IL2RB: variants seen among roughly 807,000 people sequenced by gnomAD.
IL2RB encodes interleukin 2 receptor subunit beta, also known as interleukin-2 receptor subunit beta.
IL2RB carries 17 observed loss-of-function variants against 44.2 expected under a neutral mutation model. The observed-to-expected ratio is 0.38, with a 90% CI of 0.26 to 0.58. The LOEUF (loss-of-function observed/expected upper bound fraction) is 0.58. Ranked by LOEUF, IL2RB falls within the 20% of genes least tolerant of loss-of-function variation. IL2RB has a pLI of 0.63. For synonymous variants in IL2RB, 286 were observed against 297.9 expected (o/e 0.96, Z 0.41); for missense variants, 624 against 685.5 (o/e 0.91, Z 1.00).
chr22:37,159,702 G>C (rs1922794122), intron 1 of IL2RB, among the ~76,000 whole-genome samples: 1 of 152,262 alleles, frequency 6.6e-6, no homozygotes, highest in Non-Finnish European at 1.5e-5. Context: ...TGAGGATGCA[G>C]AGGAAGCCCT....
chr22:37,140,007 G>A (rs1471877367), intron 4 of IL2RB, among the ~76,000 whole-genome samples: 1 of 152,222 alleles, frequency 6.6e-6, no homozygotes, highest in Non-Finnish European at 1.5e-5. Flanking sequence ...AGCAGCTTAA[G>A]GCATCCTGCC....
At chr22:37,162,802 A>C (rs1922926469) in intron 1 of IL2RB, among the ~76,000 whole-genome samples, 2 of 152,070 alleles carry the variant, frequency 1.3e-5, no homozygotes, top group African/African-American at 4.8e-5. Flanking sequence ...TGAGGGCCAA[A>C]GGCTACCTGT....
upstream of IL2RB, among the ~76,000 whole-genome samples, chr22:37,153,038 G>A (rs538126824): frequency 2.7e-5 from 4 of 146,414 alleles, no homozygotes; most frequent in Non-Finnish European, 4.5e-5. Flanking sequence ...AAGTTCAAGC[G>A]ATTCTCCTGC....
chr22:37,159,109 G>T (rs1298856428), intron 1 of IL2RB, among the ~76,000 whole-genome samples: 1 of 152,170 alleles, frequency 6.6e-6, no homozygotes, highest in Non-Finnish European at 1.5e-5. Flanking sequence ...TCTTGGGCAG[G>T]TTTCACCAAA....
At chr22:37,142,692 C>A (rs1249328528) in intron 3 of IL2RB, 180 bp from the exon 4 acceptor site, 1 of 718,920 alleles carries the variant, frequency 1.4e-6, no homozygotes, top group Non-Finnish European at 2.6e-6. Flanking sequence ...GCATTCCTCC[C>A]TCATGGGCAC....
intron 1 of IL2RB, among the ~76,000 whole-genome samples, chr22:37,156,912 C>T (rs902298910): frequency 6.6e-6 from 1 of 152,180 alleles, no homozygotes; most frequent in African/African-American, 2.4e-5. Flanking sequence ...CCTTGTGTTC[C>T]GCCCACCCCT....
intron 1 of IL2RB, among the ~76,000 whole-genome samples, chr22:37,146,082 C>T (rs149767647): frequency 1.6e-3 from 250 of 152,322 alleles, no homozygotes; most frequent in Non-Finnish European, 3.0e-3. Flanking sequence ...TCTGGGACAA[C>T]TGTACCCTTC....
At chr22:37,143,014 C>G (rs1275646636) in intron 3 of IL2RB, among the ~76,000 whole-genome samples, 1 of 151,968 alleles carries the variant, frequency 6.6e-6, no homozygotes, top group Non-Finnish European at 1.5e-5. Flanking sequence ...ATCAAGCCTA[C>G]CTGGGGTCAG....
At chr22:37,132,166 C>G (rs1025142873) in intron 9 of IL2RB, among the ~76,000 whole-genome samples, 2 of 152,184 alleles carry the variant, frequency 1.3e-5, no homozygotes, top group African/African-American at 4.8e-5. Flanking sequence ...GGCCCAAGGT[C>G]ACACAGCCAG....
intron 3 of IL2RB, 100 bp downstream of exon 3, chr22:37,143,421 C>A: frequency 2.6e-6 from 2 of 781,042 alleles, no homozygotes; most frequent in East Asian, 2.6e-5. Context: ...CCCATTAGTC[C>A]AAGATTCTGT....
At chr22:37,160,226 C>G (rs940620593) in intron 1 of IL2RB, among the ~76,000 whole-genome samples, 2 of 152,198 alleles carry the variant, frequency 1.3e-5, no homozygotes, top group African/African-American at 4.8e-5. Flanking sequence ...ACGGCAGCTC[C>G]CTGTGGGGAG....
intron 1 of IL2RB, among the ~76,000 whole-genome samples, chr22:37,165,458 G>A (rs143854660): frequency 4.5e-4 from 68 of 152,280 alleles, no homozygotes; most frequent in African/African-American, 1.3e-3. Flanking sequence ...TTTGTCAAGC[G>A]TCTGTATTAT....
intron 6 of IL2RB, 158 bp from the exon 7 acceptor site, chr22:37,136,551 C>G (rs966290962): frequency 2.7e-6 from 2 of 747,586 alleles, no homozygotes; most frequent in African/African-American, 3.6e-5. Flanking sequence ...GCCTCAAACC[C>G]CAGGGTCATC....
intron 1 of IL2RB, among the ~76,000 whole-genome samples, chr22:37,164,606 C>T (rs987755740): frequency 3.3e-5 from 5 of 152,056 alleles, no homozygotes; most frequent in Admixed American, 1.3e-4. Context: ...CCCCACTGGG[C>T]CTTCTTCCTG....
chr22:37,142,282 T>G, intron 4 of IL2RB, 152 bp downstream of exon 4: 1 of 703,262 alleles, frequency 1.4e-6, no homozygotes, highest in East Asian at 2.7e-5. Context: ...TGTTTTTCTC[T>G]GCCTCTTGCT....
At chr22:37,136,006 G>A (rs1225061120) in intron 7 of IL2RB, among the ~76,000 whole-genome samples, 1 of 152,094 alleles carries the variant, frequency 6.6e-6, no homozygotes, top group African/African-American at 2.4e-5. Flanking sequence ...AGTGAAAACA[G>A]CCTTTCGACC....
chr22:37,156,672 A>G (rs1922690449), intron 1 of IL2RB, among the ~76,000 whole-genome samples: 1 of 152,184 alleles, frequency 6.6e-6, no homozygotes, highest in Admixed American at 6.5e-5. Flanking sequence ...TGTACATCCC[A>G]TTGGCTACGC....
At chr22:37,161,587 A>C (rs1922875012) in intron 1 of IL2RB, among the ~76,000 whole-genome samples, 1 of 120,478 alleles carries the variant, frequency 8.3e-6, no homozygotes, top group Admixed American at 9.0e-5. Context: ...TCCAGACCTC[A>C]GGCGGGGAGA....
chr22:37,143,898 T>C (rs1014685861), intron 2 of IL2RB, among the ~76,000 whole-genome samples, 187 bp downstream of exon 2: 14 of 125,064 alleles, frequency 1.1e-4, no homozygotes, highest in African/African-American at 5.3e-4. Flanking sequence ...TGTGTGTGTG[T>C]GTGTGTGTGT....
Sources: allele counts gnomAD v4.1 joint callset (sites outside exome capture counted in the v4.1 genomes callset), GRCh38; gene constraint gnomAD v4.1.1; transcripts MANE v1.5; gene names NCBI Gene and HGNC (gene_info 2026-07-23, HGNC 2026-07-21).